The following CERS6 variants were observed in gnomAD, a reference collection of about 807,000 sequenced individuals.
CERS6 encodes the protein ceramide synthase 6.
Under a neutral mutation model 56.8 loss-of-function variants are expected in CERS6, and 26 were observed. The observed-to-expected ratio is 0.46, with a 90% CI of 0.34 to 0.63. The LOEUF (loss-of-function observed/expected upper bound fraction) is 0.63. CERS6 is among the 30% of genes least tolerant of loss of function. The probability of loss-of-function intolerance (pLI) is 0.01; values close to 1 mark genes in which losing one functional copy is unlikely to be tolerated. For missense variants in CERS6, 415 were observed against 467.5 expected, an observed-to-expected ratio of 0.89 and a Z score of 1.04; for synonymous variants, 164 against 173.3, an observed-to-expected ratio of 0.95 and a Z score of 0.42.
chr2:168,498,178 T>C (rs1694508328), intron 1 of CERS6, among the ~76,000 whole-genome samples: 1 of 152,176 alleles, frequency 6.6e-6, no homozygotes, highest in Non-Finnish European at 1.5e-5. Context: ...TTTAAAACCC[T>C]TTTCTAAGGT....
At chr2:168,707,903 A>G (rs1686998489) in intron 6 of CERS6, among the ~76,000 whole-genome samples, 1 of 152,140 alleles carries the variant, frequency 6.6e-6, no homozygotes, top group Non-Finnish European at 1.5e-5. Context: ...TCTAGAAACC[A>G]CCATAAGACA....
At chr2:168,644,234 A>C (rs184611038) in intron 4 of CERS6, 46 of 926,142 alleles carry the variant, frequency 5.0e-5, no homozygotes, top group Admixed American at 6.2e-5. Flanking sequence ...GTGCTCAGGG[A>C]AGTCTGAACT....
chr2:168,688,827 C>T (rs879289795), intron 4 of CERS6, among the ~76,000 whole-genome samples: 2 of 152,110 alleles, frequency 1.3e-5, no homozygotes, highest in South Asian at 2.1e-4. Context: ...GACACTTACA[C>T]GCTGTTTCTG....
chr2:168,457,701 CT>C (rs978917069), intron 1 of CERS6, among the ~76,000 whole-genome samples: 32 of 152,146 alleles, frequency 2.1e-4, no homozygotes, highest in Non-Finnish European at 7.3e-5. Context: ...TTCAACTCAC[CT>C]TGGTTTTGTT....
intron 3 of CERS6, among the ~76,000 whole-genome samples, chr2:168,572,161 G>A (rs1278925271): frequency 6.6e-6 from 1 of 152,168 alleles, no homozygotes; most frequent in African/African-American, 2.4e-5. Context: ...TCTAACTCCT[G>A]TATGCCTTTA....
In CERS6 at chr2:168,703,870, C is replaced by T. The variant is rs527644446; in HGVS notation, c.609+8819C>T. On this transcript the variant is annotated intron_variant, in intron 6 of 9. Coordinates refer to ENST00000305747, the MANE Select transcript of CERS6 (RefSeq NM_203463.3). ...TGAGGTAGATATTCCCAATCTTAGG[C>T]CTGTGTCCTGTTTCTTTCTCACTGC... is the stretch of plus-strand genomic sequence containing the variant. Among the ~76,000 whole-genome samples the T allele has an allele frequency of 1.1e-4, 17 of 152,248 alleles. No individual in the cohort carries two copies. The South Asian group carries it at 3.3e-3, about 30-fold the overall frequency.
intron 3 of CERS6, among the ~76,000 whole-genome samples, chr2:168,615,974 C>T (rs1480778051): frequency 1.3e-5 from 2 of 152,152 alleles, no homozygotes; most frequent in Non-Finnish European, 2.9e-5. Flanking sequence ...GAGGCAAAAG[C>T]ACCAGGTAAC....
At chr2:168,675,414 GC>G (rs753018233) in intron 4 of CERS6, among the ~76,000 whole-genome samples, 5 of 152,128 alleles carry the variant, frequency 3.3e-5, no homozygotes, top group Non-Finnish European at 7.4e-5. Flanking sequence ...GTGAAACCCT[GC>G]CTCTACAAAA....
intron 4 of CERS6, among the ~76,000 whole-genome samples, chr2:168,661,575 G>A (rs1685629689): frequency 6.6e-6 from 1 of 152,204 alleles, no homozygotes; most frequent in Non-Finnish European, 1.5e-5. Flanking sequence ...GTAGTTCAGA[G>A]GGGTATTGTT....
intron 3 of CERS6, among the ~76,000 whole-genome samples, chr2:168,617,342 A>G (rs1684342343): frequency 6.6e-6 from 1 of 152,136 alleles, no homozygotes; most frequent in African/African-American, 2.4e-5. Flanking sequence ...GCAAGAACAA[A>G]CCAAACCCAA....
intron 2 of CERS6, among the ~76,000 whole-genome samples, chr2:168,554,814 A>G (rs911895209): frequency 6.6e-6 from 1 of 152,242 alleles, no homozygotes; most frequent in Non-Finnish European, 1.5e-5. Flanking sequence ...ATAACAAAGT[A>G]GGATTTCTAA....
chr2:168,755,205 C>G (rs552230684), intron 8 of CERS6, among the ~76,000 whole-genome samples: 1 of 152,284 alleles, frequency 6.6e-6, no homozygotes, highest in African/African-American at 2.4e-5. Context: ...TCTTGGTCTC[C>G]TGACCAAAAA....
chr2:168,718,251 G>A (rs764073159), intron 8 of CERS6, among the ~76,000 whole-genome samples: 1 of 152,144 alleles, frequency 6.6e-6, no homozygotes, highest in Non-Finnish European at 1.5e-5. Flanking sequence ...TCTAGAATAT[G>A]ACTCAAGAAC....
chr2:168,594,904 G>A (rs1018211774), intron 3 of CERS6, among the ~76,000 whole-genome samples: 8 of 152,070 alleles, frequency 5.3e-5, no homozygotes, highest in Non-Finnish European at 1.2e-4. Flanking sequence ...CTGTGTATTC[G>A]GGCTGTGTTC....
At position 168,559,754 on chromosome 2, in the gene CERS6, T is replaced by TATATATATATATATATATATATATATA. The variant is rs56014027; in HGVS notation, c.277-1438_277-1437insATATATATATATATATATATATATATA. Among the ~76,000 whole-genome samples the TATATATATATATATATATATATATATA allele has an allele frequency of 1.7e-3, 213 of 123,736 alleles. 1 individual carries two copies. The highest frequency in any genetic ancestry group is 2.4e-3 in the Non-Finnish European group (133 of 55,672). 81.2% of individuals were successfully genotyped at this position (123,736 alleles called of 152,430 possible). A position where few individuals can be genotyped will look rare whatever the true frequency, so the allele number is the denominator to read the frequency against. ...GGTATCATATATATATATATATATA[T>TATATATATATATATATATATATATATA]TTCACCCTTATTACTTGAAGTTTGG... On this transcript the variant is annotated intron_variant, in intron 2 of 9. Transcript: ENST00000305747.
At chr2:168,746,775 GTATATATATATATA>G (rs71003053) in intron 8 of CERS6, among the ~76,000 whole-genome samples, 1,004 of 39,040 alleles carry the variant, frequency 0.026, 42 homozygotes, top group Middle Eastern at 0.068. Context: ...AGGGTAAAGG[GTATATATATATATA>G]TATATATATA....
At chr2:168,649,224 G>A (rs747774309) in intron 4 of CERS6, among the ~76,000 whole-genome samples, 17 of 151,990 alleles carry the variant, frequency 1.1e-4, no homozygotes, top group Non-Finnish European at 1.8e-4. Flanking sequence ...CTGGCCCTCC[G>A]AGGTCTGTGT....
At chr2:168,723,491 T>A (rs1683242440) in intron 8 of CERS6, among the ~76,000 whole-genome samples, 1 of 152,246 alleles carries the variant, frequency 6.6e-6, no homozygotes, top group African/African-American at 2.4e-5. Context: ...CACTGTAAAT[T>A]CCTTCAGTCA....
chr2:168,674,128 G>T (rs1476037891), intron 4 of CERS6, among the ~76,000 whole-genome samples: 1 of 152,208 alleles, frequency 6.6e-6, no homozygotes, highest in African/African-American at 2.4e-5. Flanking sequence ...AATTTCATGT[G>T]CAAGAAAAGT....
Sources: allele counts gnomAD v4.1 joint callset (sites outside exome capture counted in the v4.1 genomes callset), GRCh38; gene constraint gnomAD v4.1.1; transcripts MANE v1.5; gene names NCBI Gene and HGNC (gene_info 2026-07-23, HGNC 2026-07-21).